MACROD2: variants seen among roughly 807,000 people sequenced by gnomAD.
The protein encoded by MACROD2 is mono-ADP ribosylhydrolase 2.
In MACROD2, 36 loss-of-function variants were observed where a neutral mutation model predicts 70.4. The observed-to-expected ratio is 0.51, with a 90% confidence interval of 0.39 to 0.68. The LOEUF (loss-of-function observed/expected upper bound fraction) is 0.68, where lower values mean the gene tolerates loss of function less well. Among genes scored for constraint, MACROD2 ranks in the 30% least tolerant of loss-of-function variants. The probability of loss-of-function intolerance (pLI) is 0.00; values close to 1 mark genes in which losing one functional copy is unlikely to be tolerated. For missense variants in MACROD2, 496 were observed against 538.4 expected (o/e 0.92, Z 0.78); for synonymous variants, 172 against 178.8 (o/e 0.96, Z 0.30).
intron 3 of MACROD2, chr20:14,127,937 G>A (rs2054672982): frequency 1.9e-6 from 1 of 512,850 alleles, no homozygotes; most frequent in South Asian, 1.5e-5. Flanking sequence ...CAGATTCTTT[G>A]TATGTAGAAG....
chr20:15,698,793 T>C (rs1480088873), intron 8 of MACROD2, among the ~76,000 whole-genome samples: 1 of 152,102 alleles, frequency 6.6e-6, no homozygotes, highest in African/African-American at 2.4e-5. Flanking sequence ...TACTTTGTCT[T>C]TGTTGTGGAT....
chr20:14,472,243 G>A (rs1476623361), intron 3 of MACROD2, among the ~76,000 whole-genome samples: 3 of 152,066 alleles, frequency 2.0e-5, no homozygotes, highest in Non-Finnish European at 4.4e-5. Context: ...TGTAATGATA[G>A]GATTGTTACA....
chr20:15,226,174 G>A (rs2145974577), intron 5 of MACROD2, among the ~76,000 whole-genome samples: 1 of 152,250 alleles, frequency 6.6e-6, no homozygotes, highest in Non-Finnish European at 1.5e-5. Context: ...GAATACTGAA[G>A]GCCAAAGAGG....
chr20:15,685,974 A>C (rs1273569178), intron 8 of MACROD2, among the ~76,000 whole-genome samples: 1 of 152,194 alleles, frequency 6.6e-6, no homozygotes, highest in Admixed American at 6.5e-5. Flanking sequence ...TCCATTGCAC[A>C]GTGCCTGGCA....
At chr20:14,056,378 T>C (rs1682801486) in intron 2 of MACROD2, among the ~76,000 whole-genome samples, 1 of 152,012 alleles carries the variant, frequency 6.6e-6, no homozygotes, top group African/African-American at 2.4e-5. Context: ...TTTATTCTTC[T>C]GCTTGCTAAC....
chr20:14,383,873 G>T (rs189262774), intron 3 of MACROD2, among the ~76,000 whole-genome samples: 16 of 152,028 alleles, frequency 1.1e-4, no homozygotes, highest in Non-Finnish European at 8.8e-5. Flanking sequence ...CCTTTATTAT[G>T]CTTGTATTTA....
At chr20:14,503,713 A>G (rs1359138440) in intron 4 of MACROD2, among the ~76,000 whole-genome samples, 1 of 152,216 alleles carries the variant, frequency 6.6e-6, no homozygotes, top group Non-Finnish European at 1.5e-5. Context: ...AGCCCTCACT[A>G]GGCTAAAAAT....
At chr20:14,481,136 T>G (rs937265150) in intron 3 of MACROD2, among the ~76,000 whole-genome samples, 1 of 152,148 alleles carries the variant, frequency 6.6e-6, no homozygotes, top group African/African-American at 2.4e-5. Flanking sequence ...AATAAGCATA[T>G]AAAATCTTAG....
At chr20:15,794,482 C>T (rs567825892) in intron 8 of MACROD2, among the ~76,000 whole-genome samples, 1 of 152,292 alleles carries the variant, frequency 6.6e-6, no homozygotes, top group Non-Finnish European at 1.5e-5. Context: ...GGCAGCAAAG[C>T]AAGCTGTAGT....
intron 2 of MACROD2, among the ~76,000 whole-genome samples, chr20:14,082,751 A>T (rs911347610): frequency 1.3e-5 from 2 of 152,232 alleles, no homozygotes; most frequent in African/African-American, 4.8e-5. Flanking sequence ...GTTCTGAAAC[A>T]TCTTCAGTGA....
In MACROD2 at chr20:14,898,241, T is replaced by C. The variant is rs138397471; in HGVS notation, c.418+213282T>C. Among the ~76,000 whole-genome samples the C allele has an allele frequency of 1.3e-3, 195 of 152,256 alleles. 2 individuals carry two copies. In the East Asian group the frequency reaches 0.036, roughly 28 times the overall value. ...TCCTTTCTAGTTGAGATTTTTATAA[T>C]TAAACAAATTTCTAGATAAGAGTCA... On this transcript the variant is annotated intron_variant, in intron 5 of 17. Transcript: ENST00000684519.
At chr20:14,835,151 C>T (rs544944902) in intron 5 of MACROD2, among the ~76,000 whole-genome samples, 13 of 152,082 alleles carry the variant, frequency 8.5e-5, no homozygotes, top group South Asian at 4.2e-4. Flanking sequence ...GTGCCATTTC[C>T]GGCACTGCTT....
chr20:15,703,277 C>CTA (rs2050486455), intron 8 of MACROD2, among the ~76,000 whole-genome samples: 1 of 152,238 alleles, frequency 6.6e-6, no homozygotes, highest in Non-Finnish European at 1.5e-5. Flanking sequence ...ATGACCACTA[C>CTA]TATATCTTCC....
chr20:15,429,357 A>G (rs1022381711), intron 6 of MACROD2, among the ~76,000 whole-genome samples: 3 of 152,170 alleles, frequency 2.0e-5, no homozygotes, highest in Non-Finnish European at 4.4e-5. Flanking sequence ...AAGAGCAGCT[A>G]CTATGTTCCA....
chr20:15,964,064 C>G (rs2066103247), intron 12 of MACROD2, among the ~76,000 whole-genome samples: 1 of 152,150 alleles, frequency 6.6e-6, no homozygotes, highest in Non-Finnish European at 1.5e-5. Context: ...TAGGTGATAA[C>G]TGTTTTACAT....
intron 8 of MACROD2, among the ~76,000 whole-genome samples, chr20:15,767,981 C>T (rs2051554908): frequency 6.6e-6 from 1 of 151,684 alleles, no homozygotes; most frequent in Non-Finnish European, 1.5e-5. Flanking sequence ...CTATGACCAA[C>T]CATTATTTAT....
intron 3 of MACROD2, among the ~76,000 whole-genome samples, chr20:14,437,776 T>G (rs1349909564): frequency 6.6e-6 from 1 of 152,316 alleles, no homozygotes; most frequent in Admixed American, 6.5e-5. Flanking sequence ...AAAATACATT[T>G]TCAGTAAAAA....
rs570124918 is a variant in MACROD2, at chr20:15,821,118, T to G, written c.646-41627T>G. On this transcript the variant is annotated intron_variant, in intron 8 of 17. Transcript: ENST00000684519. ...TTAGTAGTGTCTTAATGACCATAAA[T>G]TCTTAATTTTAATAAAATTCAGTTC... is the stretch of plus-strand genomic sequence containing the variant. Among the ~76,000 whole-genome samples the G allele has an allele frequency of 2.2e-4, 33 of 152,336 alleles. No homozygotes were observed. In the South Asian group the frequency reaches 4.8e-3, roughly 22 times the overall value.
intron 8 of MACROD2, among the ~76,000 whole-genome samples, chr20:15,501,371 G>T (rs2047362735): frequency 6.6e-6 from 1 of 152,204 alleles, no homozygotes; most frequent in African/African-American, 2.4e-5. Context: ...GCATCATCTT[G>T]GGATGTGATG....
Sources: allele counts gnomAD v4.1 joint callset (sites outside exome capture counted in the v4.1 genomes callset), GRCh38; gene constraint gnomAD v4.1.1; transcripts MANE v1.5; gene names NCBI Gene and HGNC (gene_info 2026-07-23, HGNC 2026-07-21).